Variants in RTN4 observed in about 807,000 individuals in gnomAD.
RTN4 encodes the protein reticulon 4, also known as reticulon-4.
A neutral mutation model predicts 90.4 loss-of-function variants in RTN4; 32 were observed. The ratio of observed to expected loss-of-function variants is 0.35; its 90% CI spans 0.27 to 0.48. RTN4 has a LOEUF of 0.48. Ranked by LOEUF, RTN4 falls within the 20% of genes least tolerant of loss-of-function variation. RTN4 has a pLI of 0.99. For synonymous variants in RTN4, 629 were observed against 552.5 expected (o/e 1.14, Z -1.94); for missense variants, 1,706 against 1,430.2 (o/e 1.19, Z -3.11).
In RTN4 at chr2:54,987,575, G is replaced by T; in HGVS notation, c.3137C>A (p.Ala1046Asp). 6.2e-7 allele frequency: 1 copy of T among 1,614,120 alleles called. No individual in the cohort carries two copies. The highest frequency in any genetic ancestry group is 1.1e-5 in the South Asian group (1 of 91,082). Residue 1046 changes from alanine (A) to aspartate (D), a missense_variant, in exon 4 of 9, where the codon GCC becomes GAC. Transcript: ENST00000337526. ...IVSVTAYIALALLSVTISFRI... is the reference protein window; with the variant it reads ...IVSVTAYIALDLLSVTISFRI... ...AAAGCTGATGGTCACAGAGAGCAGG[G>T]CCAAGGCAATGTAGGCTGTTACGCT...
chr2:55,112,067 A>G (rs2972091), intron 1 of RTN4, among the ~76,000 whole-genome samples: 149,921 of 152,316 alleles, frequency 0.98, 73,808 homozygotes, highest in African/African-American at 0.99. Flanking sequence ...AAATGCTACC[A>G]AACTCCAGAA....
chr2:54,983,872 A>T (rs1320465452), intron 4 of RTN4, among the ~76,000 whole-genome samples: 1 of 152,176 alleles, frequency 6.6e-6, no homozygotes, highest in Non-Finnish European at 1.5e-5. Context: ...CAACTCTGTA[A>T]ATTTGAGAAA....
chr2:55,107,506 A>C (rs192448492), intron 1 of RTN4, among the ~76,000 whole-genome samples: 5 of 151,990 alleles, frequency 3.3e-5, no homozygotes, highest in Admixed American at 2.6e-4. Flanking sequence ...AGGCAGAACA[A>C]ACCTCACAGC....
chr2:55,100,018 A>G (rs1270520727), intron 1 of RTN4, among the ~76,000 whole-genome samples: 2 of 152,086 alleles, frequency 1.3e-5, no homozygotes, highest in African/African-American at 2.4e-5. Flanking sequence ...TATTTTAGAG[A>G]ACTAGTCTAA....
chr2:55,033,093 G>T lies in RTN4; in HGVS notation c.557-4873C>A, dbSNP rs938949319. ...AAAAATGGCCTAAAATTGGACAGAA[G>T]TTGGCATTTTGAAAATACCAACCAA... On this transcript the variant is annotated intron_variant, in intron 1 of 8. Coordinates refer to ENST00000337526, the MANE Select transcript of RTN4 (RefSeq NM_020532.5). Among the ~76,000 whole-genome samples the T allele has an allele frequency of 2.1e-5, 3 of 146,314 alleles. No homozygotes were observed. The East Asian group carries it at 5.9e-4, about 29-fold the overall frequency.
At chr2:55,048,122 G>T (rs1667872827) in intron 1 of RTN4, among the ~76,000 whole-genome samples, 1 of 152,176 alleles carries the variant, frequency 6.6e-6, no homozygotes, top group Non-Finnish European at 1.5e-5. Context: ...TAACACAATG[G>T]TATTTGTGTA....
chr2:55,010,822 C>CT (rs2104791511), intron 3 of RTN4, among the ~76,000 whole-genome samples: 1 of 152,176 alleles, frequency 6.6e-6, no homozygotes, highest in African/African-American at 2.4e-5. Flanking sequence ...TTCCTAATAT[C>CT]TTTTTTCCTC....
At chr2:55,133,527 C>T in the RTN4 span, among the ~76,000 whole-genome samples, 22 of 152,254 alleles carry the variant, frequency 1.4e-4, no homozygotes, top group African/African-American at 1.9e-4. Flanking sequence ...CTGCCCACAC[C>T]GGTATGTGTT....
chr2:55,028,289 G>A lies in RTN4; in HGVS notation c.557-69C>T, dbSNP rs558339454. 22 of 1,389,522 alleles carry A rather than the reference G, an allele frequency of 1.6e-5. No individual in the cohort carries two copies. The South Asian group carries it at 2.0e-4, about 13-fold the overall frequency. 86.1% of individuals were successfully genotyped at this position (1,389,522 alleles called of 1,614,324 possible). On this transcript the variant is annotated intron_variant, in intron 1 of 8. Transcript: ENST00000337526. ...ATTGAAAGGAGACTAAAGATAAGAG[G>A]AGCAAGCCAGGGTTCAGTTTGTAAT...
At chr2:55,017,671 C>T (rs939998847) in intron 3 of RTN4, among the ~76,000 whole-genome samples, 1 of 152,098 alleles carries the variant, frequency 6.6e-6, no homozygotes, top group Non-Finnish European at 1.5e-5. Flanking sequence ...ACATGAGCAC[C>T]TTTCTGTACC....
upstream of RTN4, among the ~76,000 whole-genome samples, chr2:55,055,574 T>C (rs751803305): frequency 2.0e-5 from 3 of 152,098 alleles, no homozygotes; most frequent in Admixed American, 6.5e-5. Flanking sequence ...AGGATGATCC[T>C]GGCTAACATG....
At chr2:55,087,119 T>C (rs1180312054) in intron 1 of RTN4, among the ~76,000 whole-genome samples, 1 of 152,262 alleles carries the variant, frequency 6.6e-6, no homozygotes. Context: ...TTTATTCATC[T>C]GGTCATCCAA....
At chr2:55,039,399 G>C (rs1682909106) in intron 1 of RTN4, among the ~76,000 whole-genome samples, 1 of 152,080 alleles carries the variant, frequency 6.6e-6, no homozygotes, top group Non-Finnish European at 1.5e-5. Context: ...AAATCAAATT[G>C]ATCTATTGTA....
chr2:55,104,553 G>A (rs1410944391), intron 1 of RTN4, among the ~76,000 whole-genome samples: 2 of 151,666 alleles, frequency 1.3e-5, no homozygotes. Flanking sequence ...ATTTCACCAT[G>A]TTGACGAAGC....
At chr2:54,981,829 C>G (rs907348986) in intron 5 of RTN4, among the ~76,000 whole-genome samples, 16 of 51,692 alleles carry the variant, frequency 3.1e-4, no homozygotes, top group African/African-American at 1.6e-3. Context: ...AAGTGCTAGA[C>G]TGTAAAGCAA....
In RTN4 at chr2:55,025,476, T is replaced by C. The variant is rs200454950; in HGVS notation, c.2623A>G (p.Ile875Val). The change falls in exon 3 of 9, where the codon ATC becomes GTC. Residue 875 changes from isoleucine to valine, a missense_variant. By Grantham distance (29) the Ile-to-Val change is conservative (BLOSUM62 3). Transcript: ENST00000337526. ...IEIIDEFPTL[I>V]SSKTDSFSKL... The stretch of plus-strand genomic sequence containing the variant: ...GAAAATGAATCAGTTTTAGAACTGA[T>C]CAATGTAGGGAACTCATCTATAATT... The C allele has an allele frequency of 6.2e-6, 10 of 1,613,666 alleles. No homozygotes were observed. Among genetic ancestry groups the C allele is most frequent in the Non-Finnish European group, 8.5e-6 (10 of 1,179,842 alleles).
chr2:55,067,121 TGAAATTG>T (rs1253099332), intron 2 of RTN4, among the ~76,000 whole-genome samples: 1 of 152,166 alleles, frequency 6.6e-6, no homozygotes, highest in Non-Finnish European at 1.5e-5. Flanking sequence ...AAAAATATAA[TGAAATTG>T]GAAATTGGAA....
At chr2:55,028,651 G>A (rs1682084020) in intron 1 of RTN4, among the ~76,000 whole-genome samples, 3 of 151,964 alleles carry the variant, frequency 2.0e-5, no homozygotes, top group Non-Finnish European at 4.4e-5. Flanking sequence ...TTTGTTATTG[G>A]CATATATTCA....
intron 3 of RTN4, among the ~76,000 whole-genome samples, chr2:55,017,088 G>A (rs1221579196): frequency 6.6e-6 from 1 of 152,016 alleles, no homozygotes; most frequent in African/African-American, 2.4e-5. Context: ...ACAAGAGTCA[G>A]GTTCTAATTT....
Sources: gnomAD v4.1 joint callset for allele counts (sites outside exome capture counted in the v4.1 genomes callset) on GRCh38, gnomAD v4.1.1 for gene constraint, MANE v1.5 for transcripts, NCBI Gene and HGNC (gene_info 2026-07-23, HGNC 2026-07-21) for gene names.